Variants in CYYR1 observed in about 807,000 individuals in gnomAD.
CYYR1 encodes the protein cysteine and tyrosine rich 1.
In CYYR1, 14 loss-of-function variants were observed where a neutral mutation model predicts 15.2. The observed-to-expected ratio is 0.92, with a 90% confidence interval of 0.61 to 1.44. The LOEUF (loss-of-function observed/expected upper bound fraction) is 1.44. Ranked by LOEUF, CYYR1 falls within the 40% of genes most tolerant of loss-of-function variation. CYYR1 has a pLI of 0.00. For synonymous variants in CYYR1, 80 were observed against 77.4 expected (o/e 1.03, Z -0.18); for missense variants, 228 against 209.5 (o/e 1.09, Z -0.54).
chr21:26,559,242 AC>A (rs1232185421), intron 2 of CYYR1, among the ~76,000 whole-genome samples: 1 of 152,078 alleles, frequency 6.6e-6, no homozygotes, highest in African/African-American at 2.4e-5. Flanking sequence ...TTGTTTATGG[AC>A]CATCCAGTTT....
intron 2 of CYYR1, among the ~76,000 whole-genome samples, chr21:26,489,503 A>G (rs1184846098): frequency 1.3e-5 from 2 of 152,058 alleles, no homozygotes; most frequent in Non-Finnish European, 2.9e-5. Context: ...TGGTCATATT[A>G]AAAAAATCAA....
intron 2 of CYYR1, among the ~76,000 whole-genome samples, chr21:26,521,943 C>A (rs1407738139): frequency 6.6e-6 from 1 of 152,196 alleles, no homozygotes; most frequent in Non-Finnish European, 1.5e-5. Flanking sequence ...CAAGAAAGGA[C>A]CTGTGGTGGT....
chr21:26,491,199 A>G (rs2065322722), intron 2 of CYYR1, among the ~76,000 whole-genome samples: 1 of 152,006 alleles, frequency 6.6e-6, no homozygotes. Context: ...CAGATACAAT[A>G]CTCTCATTTA....
intron 2 of CYYR1, among the ~76,000 whole-genome samples, chr21:26,522,101 A>G (rs1039369482): frequency 5.3e-5 from 8 of 152,182 alleles, no homozygotes; most frequent in African/African-American, 1.9e-4. Flanking sequence ...TTTCACCTTT[A>G]TTTTTAAGCA....
intron 2 of CYYR1, among the ~76,000 whole-genome samples, chr21:26,526,334 G>A (rs1601792917): frequency 6.6e-6 from 1 of 152,168 alleles, no homozygotes; most frequent in East Asian, 1.9e-4. Flanking sequence ...TATAATCCCA[G>A]CTACTCGGGA....
chr21:26,527,915 G>T (rs1255859359), intron 2 of CYYR1, among the ~76,000 whole-genome samples: 4 of 152,036 alleles, frequency 2.6e-5, no homozygotes, highest in Non-Finnish European at 5.9e-5. Context: ...ACAAAGGAAT[G>T]AACTGTTTCA....
At chr21:26,534,894 C>A (rs1306632223) in intron 2 of CYYR1, among the ~76,000 whole-genome samples, 1 of 152,070 alleles carries the variant, frequency 6.6e-6, no homozygotes, top group Non-Finnish European at 1.5e-5. Flanking sequence ...GTTGTATGTA[C>A]GATCTTATGT....
chr21:26,559,294 A>T (rs1000568933), intron 2 of CYYR1, among the ~76,000 whole-genome samples: 1 of 152,148 alleles, frequency 6.6e-6, no homozygotes, highest in African/African-American at 2.4e-5. Context: ...ATTGCCCATT[A>T]TCCTATTCAG....
intron 2 of CYYR1, among the ~76,000 whole-genome samples, chr21:26,517,851 C>T (rs1281346025): frequency 6.6e-6 from 1 of 152,132 alleles, no homozygotes; most frequent in Non-Finnish European, 1.5e-5. Context: ...TCACCGTGCC[C>T]AGCCCCAGAC....
chr21:26,506,791 C>T (rs558920118), intron 2 of CYYR1: 3 of 152,162 alleles, frequency 2.0e-5, no homozygotes, highest in South Asian at 2.1e-4. Context: ...AGGTGGGTGC[C>T]CACTTGCTAA....
intron 3 of CYYR1, chr21:26,470,450 A>T (rs537622665): frequency 1.3e-5 from 2 of 152,288 alleles, no homozygotes; most frequent in South Asian, 2.1e-4. Context: ...TGATTGGATC[A>T]TGGGGGTGGA....
At chr21:26,567,198 T>C (rs1980693186) in intron 1 of CYYR1, among the ~76,000 whole-genome samples, 1 of 152,204 alleles carries the variant, frequency 6.6e-6, no homozygotes, top group South Asian at 2.1e-4. Flanking sequence ...ATAATTACAG[T>C]TTGCATATGT....
At chr21:26,559,836 CT>C in intron 2 of CYYR1, among the ~76,000 whole-genome samples, 1 of 152,214 alleles carries the variant, frequency 6.6e-6, no homozygotes, top group South Asian at 2.1e-4. Flanking sequence ...CACACAATTT[CT>C]TTTTTATAAC....
chr21:26,492,021 A>G (rs926980643), intron 2 of CYYR1, among the ~76,000 whole-genome samples: 1 of 152,142 alleles, frequency 6.6e-6, no homozygotes, highest in African/African-American at 2.4e-5. Flanking sequence ...CACCTCCTCA[A>G]ATGTCTTGCT....
At chr21:26,555,968 C>G (rs1979746432) in intron 2 of CYYR1, among the ~76,000 whole-genome samples, 1 of 152,142 alleles carries the variant, frequency 6.6e-6, no homozygotes, top group Non-Finnish European at 1.5e-5. Context: ...GCTGGCAGAT[C>G]ATATTGCCTC....
At chr21:26,481,101 C>T (rs944670072) in intron 2 of CYYR1, among the ~76,000 whole-genome samples, 2 of 151,968 alleles carry the variant, frequency 1.3e-5, no homozygotes, top group South Asian at 2.1e-4. Flanking sequence ...AAAAAAAAGC[C>T]GAATAGCAGA....
At chr21:26,477,975 T>C in intron 3 of CYYR1, 4 of 1,453,778 alleles carry the variant, frequency 2.8e-6, no homozygotes, top group Non-Finnish European at 3.6e-6. Context: ...TTAAAGTCAA[T>C]TCCCTAGGGT....
At chr21:26,479,588 T>C (rs1034081495) in intron 3 of CYYR1, among the ~76,000 whole-genome samples, 2 of 152,198 alleles carry the variant, frequency 1.3e-5, no homozygotes, top group African/African-American at 4.8e-5. Flanking sequence ...ACTCAATATA[T>C]TTTAATACAT....
In CYYR1 at chr21:26,476,645, A is replaced by G. The variant is rs2065109121; in HGVS notation, c.334+3627T>C. ...CTATCTATCTAATCTTCTATTATCT[A>G]TCTATCTATCTAAAAATCATTTCAC... On this transcript the variant is annotated intron_variant, in intron 3 of 3. Transcript: ENST00000652641. 1.4e-5 allele frequency among the ~76,000 whole-genome samples: 2 copies of G among 146,044 alleles called. 1 individual carries two copies. Among genetic ancestry groups the G allele is most frequent in the Non-Finnish European group, 3.0e-5 (2 of 66,222 alleles).
Sources: gnomAD v4.1 joint callset for allele counts (sites outside exome capture counted in the v4.1 genomes callset) on GRCh38, gnomAD v4.1.1 for gene constraint, MANE v1.5 for transcripts, NCBI Gene and HGNC (gene_info 2026-07-23, HGNC 2026-07-21) for gene names.